The following CYP2A13 variants were observed in gnomAD, a reference collection of about 807,000 sequenced individuals.
CYP2A13 encodes cytochrome P450 2A13.
Under a neutral mutation model 39.4 loss-of-function variants are expected in CYP2A13, and 30 were observed. The ratio of observed to expected loss-of-function variants is 0.76; its 90% CI spans 0.57 to 1.03. CYP2A13 has a LOEUF of 1.03. Ranked by LOEUF, CYP2A13 falls within the 50% of genes least tolerant of loss-of-function variation. The probability of loss-of-function intolerance (pLI) is 0.00; values close to 1 mark genes in which losing one functional copy is unlikely to be tolerated. For missense variants in CYP2A13, 731 were observed against 648.4 expected (o/e 1.13, Z -1.38); for synonymous variants, 269 against 254.7 (o/e 1.06, Z -0.54).
intron 4 of CYP2A13, among the ~76,000 whole-genome samples, chr19:41,091,428 A>G (rs559237895): frequency 6.6e-6 from 1 of 152,294 alleles, no homozygotes; most frequent in Admixed American, 6.5e-5. Context: ...GGTGTCTTCC[A>G]ACTCAACTTC....
Position 41,094,277 on chromosome 19 carries a change from G to C in CYP2A13, c.1006G>C (p.Gly336Arg). The C allele has an allele frequency of 6.8e-6, 11 of 1,614,014 alleles. No individual in the cohort carries two copies. The highest frequency in any genetic ancestry group is 9.3e-6 in the Non-Finnish European group (11 of 1,179,990). ...CCATGAGGAGATTGACAGAGTGATC[G>C]GCAAGAACCGGCAGCCCAAGTTTGA... ...KVHEEIDRVI[G>R]KNRQPKFEDR... Residue 336 changes from glycine (G) to arginine (R), a missense_variant, in exon 7 of 9, where the codon GGC (glycine) becomes CGC (arginine). Gly to Arg is a moderately radical substitution (Grantham distance 125). Transcript: ENST00000330436.
rs773723336 is a variant in CYP2A13, at chr19:41,093,740, C to T, written c.942C>T (p.Phe314=). 6.8e-6 allele frequency: 11 copies of T among 1,614,070 alleles called. No homozygotes were observed. The highest frequency in any genetic ancestry group is 6.6e-5 in the South Asian group (6 of 91,056). ...ETVSTTLRYG[F]LLLMKHPEVE... ...TGAGCACCACCCTGCGCTACGGTTT[C>T]CTGCTGCTCATGAAGCACCCAGAGG... The change falls in exon 6 of 9, where the codon TTC becomes TTT. Residue 314 remains phenylalanine (F), a synonymous_variant. Coordinates refer to ENST00000330436, the MANE Select transcript of CYP2A13 (RefSeq NM_000766.5).
rs201720562 is a variant in CYP2A13 at position 41,090,139 on chromosome 19, G to A, written c.436G>A (p.Glu146Lys). 1 of 1,605,308 alleles carries A rather than the reference G, an allele frequency of 6.2e-7. No individual in the cohort carries two copies. The highest frequency in any genetic ancestry group is 2.2e-5 in the East Asian group (1 of 44,748). ...RGFGVGKRGI[E>K]ERIQEEAGFL... ...TTTTGGCGTGGGCAAGCGCGGCATC[G>A]AGGAACGCATCCAGGAGGAGGCGGG... The change falls in exon 3 of 9, where the codon GAG (glutamate) becomes AAG (lysine). Residue 146 changes from glutamate to lysine, a missense_variant. Coordinates refer to ENST00000330436, the MANE Select transcript of CYP2A13 (RefSeq NM_000766.5).
chr19:41,091,999 C>T, intron 5 of CYP2A13, 91 bp downstream of exon 5: 1 of 1,537,594 alleles, frequency 6.5e-7, no homozygotes, highest in Non-Finnish European at 8.8e-7. Context: ...CAGGCCCATT[C>T]AAATTAGCCC....
chr19:41,089,426 T>G (rs2031118619), intron 2 of CYP2A13, among the ~76,000 whole-genome samples: 1 of 152,108 alleles, frequency 6.6e-6, no homozygotes, highest in African/African-American at 2.4e-5. Flanking sequence ...TTTGTCGCTC[T>G]CGGCTTCTGT....
chr19:41,095,026 AC>A lies in CYP2A13; in HGVS notation c.1230del (p.Phe411SerfsTer79). The A allele has an allele frequency of 6.2e-7, 1 of 1,614,056 alleles. No homozygotes were observed. The highest frequency in any genetic ancestry group is 8.5e-7 in the Non-Finnish European group (1 of 1,180,022). On this transcript the variant is annotated frameshift_variant, in exon 8 of 9. Transcript: ENST00000330436. LOFTEE classifies it high-confidence loss of function. ...CCCAGGTTCTTCTCCAACCCCCGGG[AC>A]TTCAATCCCCAGCACTTCCTGGATA... ...RDPRFFSNPR[D>X]FNPQHFLDKK...
Position 41,096,123 on chromosome 19 carries a change from C to A in CYP2A13, c.*182C>A. ...TTCACCTTGATGATGTCCTTCAGAG[C>A]TGTGATGAGAGGAAGGGAAACCTTA... On this transcript the variant is annotated 3_prime_UTR_variant, in exon 9 of 9. Coordinates refer to ENST00000330436, the MANE Select transcript of CYP2A13 (RefSeq NM_000766.5). 1 of 877,538 alleles carries A rather than the reference C, an allele frequency of 1.1e-6. No homozygotes were observed. The highest frequency in any genetic ancestry group is 1.7e-6 in the Non-Finnish European group (1 of 575,630). 54.4% of individuals were successfully genotyped at this position (877,538 alleles called of 1,614,324 possible). A position where few individuals can be genotyped will look rare whatever the true frequency, so the allele number is the denominator to read the frequency against.
At chr19:41,091,090 A>G (rs2031179370) in intron 4 of CYP2A13, among the ~76,000 whole-genome samples, 1 of 152,162 alleles carries the variant, frequency 6.6e-6, no homozygotes, top group South Asian at 2.1e-4. Flanking sequence ...AGGTGCCCTA[A>G]CCAATACCCT....
Position 41,095,123 on chromosome 19 carries a change from C to T in CYP2A13, c.1303+23C>T, listed in dbSNP as rs1292931244. 4 of 1,613,882 alleles carry T rather than the reference C, an allele frequency of 2.5e-6. No individual in the cohort carries two copies. In the African/African-American group the frequency reaches 5.3e-5, roughly 22 times the overall value. On this transcript the variant is annotated intron_variant, in intron 8 of 8. Coordinates refer to ENST00000330436, the MANE Select transcript of CYP2A13 (RefSeq NM_000766.5). Reference sequence around the variant, plus strand: ...TCGGTAAGAGACCACTGTTTGCTGCCAGGCCACGGCTCACACCAGCAGGGG... The same window carrying T: ...TCGGTAAGAGACCACTGTTTGCTGCTAGGCCACGGCTCACACCAGCAGGGG...
intron 5 of CYP2A13, among the ~76,000 whole-genome samples, chr19:41,092,203 C>A (rs1001382572): frequency 9.3e-5 from 14 of 151,140 alleles, no homozygotes; most frequent in Admixed American, 2.0e-4. Context: ...GTAATCCCAG[C>A]TACTCAGGAG....
At chr19:41,094,010 T>C (rs541435257) in intron 6 of CYP2A13, among the ~76,000 whole-genome samples, 1 of 152,194 alleles carries the variant, frequency 6.6e-6, no homozygotes, top group Non-Finnish European at 1.5e-5. Context: ...GTCCGCTGCC[T>C]GCTCCTCTGG....
At chr19:41,088,704 TG>T (rs1274816852) in intron 1 of CYP2A13, 53 bp downstream of exon 1, 1 of 1,581,800 alleles carries the variant, frequency 6.3e-7, no homozygotes, top group African/African-American at 1.3e-5. Flanking sequence ...CCCAGTTGGC[TG>T]GGGCTTTGTG....
In CYP2A13 at chr19:41,096,139, G is replaced by C. The variant is rs1462519045; in HGVS notation, c.*198G>C. The stretch of plus-strand genomic sequence containing the variant: ...CCTTCAGAGCTGTGATGAGAGGAAG[G>C]GAAACCTTACAGTATGCTACAAAGA... On this transcript the variant is annotated 3_prime_UTR_variant, in exon 9 of 9. Transcript: ENST00000330436. 3.9e-6 allele frequency: 3 copies of C among 771,698 alleles called. No homozygotes were observed. In the East Asian group the frequency reaches 8.1e-5, roughly 21 times the overall value. The allele number at this position is 771,698 out of a possible 1,614,324, so 47.8% of individuals were successfully genotyped here.
chr19:41,093,677 G>A lies in CYP2A13; in HGVS notation c.879G>A (p.Met293Ile). 1 of 1,614,094 alleles carries A rather than the reference G, an allele frequency of 6.2e-7. No individual in the cohort carries two copies. Among genetic ancestry groups the A allele is most frequent in the Non-Finnish European group, 8.5e-7 (1 of 1,180,018 alleles). The change falls in exon 6 of 9, where the codon ATG becomes ATA. Residue 293 changes from methionine to isoleucine, a missense_variant. Transcript: ENST00000330436. ...AGTTCTACTTGAAGAACCTGGTGAT[G>A]ACCACCCTGAACCTCTTCTTTGCGG... ...NTEFYLKNLV[M>I]TTLNLFFAGT...
chr19:41,088,925 A>G lies in CYP2A13; in HGVS notation c.181-4A>G. The G allele has an allele frequency of 6.2e-7, 1 of 1,613,858 alleles. No homozygotes were observed. Among genetic ancestry groups the G allele is most frequent in the Admixed American group, 1.7e-5 (1 of 60,002 alleles). On this transcript the variant is annotated splice_region_variant and splice_polypyrimidine_tract_variant and intron_variant, in intron 1 of 8. Coordinates refer to ENST00000330436, the MANE Select transcript of CYP2A13 (RefSeq NM_000766.5). ...CTCTAACCACTCCCACCTGCCTCCA[A>G]CAGATCAGTGAGCGCTATGGCCCTG... is the stretch of plus-strand genomic sequence containing the variant.
rs752348205 is a variant in CYP2A13, at chr19:41,089,804, GTCTC to G, written c.344-178_344-175del. On this transcript the variant is annotated intron_variant, in intron 2 of 8. Transcript: ENST00000330436. ...CTGATTCTCTTATTCTTTCTACCCG[GTCTC>G]TCTCTCTCTCTCTCTCTCTCTCTCT... is the stretch of plus-strand genomic sequence containing the variant. Among the ~76,000 whole-genome samples the G allele has an allele frequency of 3.4e-3, 89 of 26,560 alleles. 2 individuals are homozygous for G. Among genetic ancestry groups the G allele is most frequent in the East Asian group, 0.017 (17 of 984 alleles). The allele number at this position is 26,560 out of a possible 152,430, so 17.4% of individuals were successfully genotyped here. A position where few individuals can be genotyped will look rare whatever the true frequency, so the allele number is the denominator to read the frequency against.
chr19:41,091,601 G>GA, intron 4 of CYP2A13, 131 bp from the exon 5 acceptor site: 1 of 1,394,328 alleles, frequency 7.2e-7, no homozygotes, highest in Non-Finnish European at 9.6e-7. Flanking sequence ...CAACCCCACT[G>GA]AAATACCTAA....
In CYP2A13 at chr19:41,095,757, C is replaced by T. The variant is rs2031291029; in HGVS notation, c.1304-3C>T. On this transcript the variant is annotated splice_region_variant and splice_polypyrimidine_tract_variant and intron_variant, in intron 8 of 8. Coordinates refer to ENST00000330436, the MANE Select transcript of CYP2A13 (RefSeq NM_000766.5). ...CTTCACCCCTCCTGCCTCTCCTCCT[C>T]AGGAAAGCGGTACTGTTTTGGAGAA... 1 of 1,614,012 alleles carries T rather than the reference C, an allele frequency of 6.2e-7. No individual in the cohort carries two copies. The highest frequency in any genetic ancestry group is 8.5e-7 in the Non-Finnish European group (1 of 1,179,906).
At position 41,091,621 on chromosome 19, in the gene CYP2A13, C is replaced by G. The variant is rs2031190143; in HGVS notation, c.655-111C>G. The G allele has an allele frequency of 4.0e-6, 6 of 1,489,524 alleles. No homozygotes were observed. In the South Asian group the frequency reaches 8.0e-5, roughly 20 times the overall value. The allele number at this position is 1,489,524 out of a possible 1,614,324, so 92.3% of individuals were successfully genotyped here. On this transcript the variant is annotated intron_variant, in intron 4 of 8. Coordinates refer to ENST00000330436, the MANE Select transcript of CYP2A13 (RefSeq NM_000766.5). Reference sequence around the variant, plus strand: ...CCACTGAAATACCTAAACACCTGGACAGATGCCTTTAACTCCGTTCCTTCC... The same window carrying G: ...CCACTGAAATACCTAAACACCTGGAGAGATGCCTTTAACTCCGTTCCTTCC...
Sources: allele counts gnomAD v4.1 joint callset (sites outside exome capture counted in the v4.1 genomes callset), GRCh38; gene constraint gnomAD v4.1.1; transcripts MANE v1.5; gene names NCBI Gene and HGNC (gene_info 2026-07-23, HGNC 2026-07-21).